PKD1: variants seen among roughly 807,000 people sequenced by gnomAD.
PKD1 encodes the protein polycystin 1, transient receptor potential channel interacting, also known as polycystin-1.
In PKD1, 81 loss-of-function variants were observed where a neutral mutation model predicts 361.7. The observed-to-expected ratio is 0.22, with a 90% CI of 0.19 to 0.27. PKD1 has a LOEUF of 0.27. PKD1 is among the 10% of genes least tolerant of loss of function. The pLI is 1.00. For missense variants in PKD1, 6,399 were observed against 6,118.3 expected, an observed-to-expected ratio of 1.05 and a Z score of -1.53; for synonymous variants, 3,615 against 2,818.3, an observed-to-expected ratio of 1.28 and a Z score of -8.95.
chr16:2,135,472 C>T lies in PKD1; in HGVS notation c.215+3G>A. 1 of 1,170,178 alleles carries T rather than the reference C, an allele frequency of 8.5e-7. No individual in the cohort carries two copies. The highest frequency in any genetic ancestry group is 1.1e-6 in the Non-Finnish European group (1 of 946,230). The allele number at this position is 1,170,178 out of a possible 1,614,324, so 72.5% of individuals were successfully genotyped here. ...CCCGGGTGCCGCTGGGCCCGCTACT[C>T]ACAGCGCTGTGGCGTCCGCGGGGAT... On this transcript the variant is annotated splice_donor_region_variant and intron_variant, in intron 1 of 45. Transcript: ENST00000262304.
chr16:2,109,820 C>A lies in PKD1; in HGVS notation c.5347G>T (p.Ala1783Ser). The A allele has an allele frequency of 6.2e-7, 1 of 1,610,644 alleles. No homozygotes were observed. The highest frequency in any genetic ancestry group is 1.3e-5 in the African/African-American group (1 of 74,996). ...TTGGCTGAGCCCAGCGGGTTCCCTG[C>A]CGTCATGGTGACCAAGTGCAGGCCG... ...TPGLHLVTMTAGNPLGSANAT... is the reference protein window; with the variant it reads ...TPGLHLVTMTSGNPLGSANAT... Residue 1783 changes from alanine to serine, a missense_variant, in exon 15 of 46, where the codon GCA becomes TCA. By Grantham distance (99) the Ala-to-Ser change is moderately conservative. Coordinates refer to ENST00000262304, the MANE Select transcript of PKD1 (RefSeq NM_001009944.3).
In PKD1 at chr16:2,100,605, T is replaced by G; in HGVS notation, c.9398-39A>C. The G allele has an allele frequency of 1.9e-6, 3 of 1,566,342 alleles. No individual in the cohort carries two copies. The highest frequency in any genetic ancestry group is 2.6e-6 in the Non-Finnish European group (3 of 1,144,790). On this transcript the variant is annotated intron_variant, in intron 26 of 45. Transcript: ENST00000262304. The surrounding 1 kb of genome is among the most constrained non-coding windows in gnomAD (Gnocchi z 4.4). The stretch of plus-strand genomic sequence containing the variant: ...GGGAGGGGTGGGAGGCTCGGTCTGC[T>G]GCCCAACACGTGTGGCATCCCAGGC...
At chr16:2,101,593 G>A (rs1230487357) in intron 26 of PKD1, among the ~76,000 whole-genome samples, 1 of 152,230 alleles carries the variant, frequency 6.6e-6, no homozygotes, top group Non-Finnish European at 1.5e-5. Flanking sequence ...ACTCCAGCCT[G>A]GGCAACAGAG....
intron 1 of PKD1, among the ~76,000 whole-genome samples, chr16:2,126,378 G>A (rs1271089603): frequency 6.6e-6 from 1 of 152,270 alleles, no homozygotes; most frequent in African/African-American, 2.4e-5. Flanking sequence ...GCTAAGGTCA[G>A]GAATGCCAGG....
intron 41 of PKD1, 25 bp from the exon 42 acceptor site, chr16:2,091,622 G>A (rs1275950017): frequency 1.9e-6 from 3 of 1,562,220 alleles, no homozygotes; most frequent in Non-Finnish European, 2.6e-6. Context: ...CGGGTCAGTA[G>A]GAGCGGGTGG....
chr16:2,111,925 C>G (rs1423241405), intron 14 of PKD1, 54 bp from the exon 15 acceptor site: 2 of 1,595,206 alleles, frequency 1.3e-6, no homozygotes, highest in South Asian at 2.2e-5. Context: ...TGCTCCCCAC[C>G]CGCTCGGCAG....
Position 2,089,841 on chromosome 16 carries a change from C to T in PKD1, c.12798G>A (p.Leu4266=). 6.2e-7 allele frequency: 1 copy of T among 1,605,496 alleles called. No individual in the cohort carries two copies. Among genetic ancestry groups the T allele is most frequent in the Non-Finnish European group, 8.5e-7 (1 of 1,176,744 alleles). Residue 4266 remains leucine (L), a synonymous_variant, in exon 46 of 46, where the codon CTG becomes CTA. Transcript: ENST00000262304. ...AGSSRGPSPG[L]RPALPSRLAR... ...CAAGGCGGCTGGGCAGTGCTGGCCGCAGGCCCGGGGATGGGCCACGGGAAG... is the reference window on the plus strand; with the variant it reads ...CAAGGCGGCTGGGCAGTGCTGGCCGTAGGCCCGGGGATGGGCCACGGGAAG...
Position 2,135,579 on chromosome 16 carries a change from G to A in PKD1, c.111C>T (p.Cys37=), listed in dbSNP as rs2092941027. Residue 37 remains cysteine, a synonymous_variant, in exon 1 of 46, where the codon TGC becomes TGT. Transcript: ENST00000262304. ...CGGCGCCGGGCGCTGGGCCGCAGAG[G>A]CAGGGGGGCTCGCAGGGCCCGCAGC... is the stretch of plus-strand genomic sequence containing the variant. The part of the protein sequence containing the change: ...GRGCGPCEPP[C]LCGPAPGAAC... 2.8e-6 allele frequency: 3 copies of A among 1,082,224 alleles called. No homozygotes were observed. Among genetic ancestry groups the A allele is most frequent in the Non-Finnish European group, 3.4e-6 (3 of 893,554 alleles). 67.0% of individuals were successfully genotyped at this position (1,082,224 alleles called of 1,614,324 possible). A position where few individuals can be genotyped will look rare whatever the true frequency, so the allele number is the denominator to read the frequency against.
At position 2,091,027 on chromosome 16, in the gene PKD1, C is replaced by G; in HGVS notation, c.11860G>C (p.Ala3954Pro). The change falls in exon 43 of 46, where the codon GCC (alanine) becomes CCC (proline). Residue 3954 changes from alanine to proline, a missense_variant. Transcript: ENST00000262304. Reference protein sequence around the residue: ...LTAATALVRLAQLGAADRQWT... With the variant: ...LTAATALVRLPQLGAADRQWT... ...TGGCGGTCAGCGGCACCCAGCTGGG[C>G]GAGGCGTACCAGTGCCGTGGCCGCC... 6.5e-7 allele frequency: 1 copy of G among 1,531,810 alleles called. No individual in the cohort carries two copies. 94.9% of individuals were successfully genotyped at this position (1,531,810 alleles called of 1,614,324 possible).
Position 2,118,232 on chromosome 16 carries a change from G to A in PKD1, c.760C>T (p.Pro254Ser). ...GGGCCCCTACAGGTGGGGGCAGGAG[G>A]TGGCGGGGGGCCGGAGCAGAGGGAC... ...CLSLCSGPPP[P>S]PAPTCRGPTL... Residue 254 changes from proline to serine, a missense_variant, in exon 5 of 46, where the codon CCT becomes TCT. Coordinates refer to ENST00000262304, the MANE Select transcript of PKD1 (RefSeq NM_001009944.3). The surrounding 1 kb of genome is among the most constrained non-coding windows in gnomAD (Gnocchi z 6.0). 1 of 1,531,346 alleles carries A rather than the reference G, an allele frequency of 6.5e-7. No individual in the cohort carries two copies. The highest frequency in any genetic ancestry group is 2.3e-4 in the Middle Eastern group (1 of 4,348). 94.9% of individuals were successfully genotyped at this position (1,531,346 alleles called of 1,614,324 possible). A position where few individuals can be genotyped will look rare whatever the true frequency, so the allele number is the denominator to read the frequency against.
chr16:2,093,843 G>A lies in PKD1; in HGVS notation c.10789C>T (p.Leu3597=). The change falls in exon 36 of 46, where the codon CTG becomes TTG. Residue 3597 remains leucine, a synonymous_variant. Transcript: ENST00000262304. ...AWLLSSSASF[L]ASFLGWEPLK... Reference sequence around the variant, plus strand: ...GGCTCCCAGCCGAGGAATGAGGCCAGGAAGCTGGCGCTGCTGGACAGGAGC... The same window carrying A: ...GGCTCCCAGCCGAGGAATGAGGCCAAGAAGCTGGCGCTGCTGGACAGGAGC... 1.9e-6 allele frequency: 3 copies of A among 1,563,952 alleles called. No individual in the cohort carries two copies. The highest frequency in any genetic ancestry group is 2.6e-6 in the Non-Finnish European group (3 of 1,160,382).
chr16:2,116,274 G>A (rs3895631), intron 8 of PKD1, 156 bp from the exon 9 acceptor site: 137 of 802,904 alleles, frequency 1.7e-4, no homozygotes, highest in African/African-American at 8.8e-4. Context: ...GAAGACTCCG[G>A]TGGAAACTGT....
In PKD1 at chr16:2,116,293, G is replaced by A. The variant is rs945787605; in HGVS notation, c.1723-175C>T. ...ACTCCGGTGGAAACTGTCCATGGGG[G>A]GCAGGACCCCTGACCTGCCTTTCAG... On this transcript the variant is annotated intron_variant, in intron 8 of 45. Transcript: ENST00000262304. 2.6e-5 allele frequency: 19 copies of A among 732,660 alleles called. No individual in the cohort carries two copies. The Admixed American group carries it at 2.9e-4, about 11-fold the overall frequency. The allele number at this position is 732,660 out of a possible 1,614,324, so 45.4% of individuals were successfully genotyped here. A position where few individuals can be genotyped will look rare whatever the true frequency, so the allele number is the denominator to read the frequency against.
In PKD1 at chr16:2,103,821, G is replaced by A. The variant is rs201050321; in HGVS notation, c.8236C>T (p.Arg2746Trp). Residue 2746 changes from arginine (R) to tryptophan (W), a missense_variant, in exon 23 of 46, where the codon CGG (arginine) becomes TGG (tryptophan). By Grantham distance (101) the Arg-to-Trp change is moderately radical (BLOSUM62 -3). Coordinates refer to ENST00000262304, the MANE Select transcript of PKD1 (RefSeq NM_001009944.3). ...PSELGAESPS[R>W]MVASQAYNLT... ...TTGTAGGCCTGGGACGCCACCATCC[G>A]AGATGGTGACTCGGCTCCCAGCTCT... The A allele has an allele frequency of 1.7e-5, 28 of 1,608,262 alleles. No individual in the cohort carries two copies. The highest frequency in any genetic ancestry group is 4.4e-5 in the South Asian group (4 of 90,852).
rs746182541 is a variant in PKD1 at position 2,103,787 on chromosome 16, G to C, written c.8270C>G (p.Ser2757Cys). ...MVASQAYNLT[S>C]ALMRILMRSR... ...GCGCATGAGGATGCGCATGAGGGCA[G>C]AGGTCAGGTTGTAGGCCTGGGACGC... is the stretch of plus-strand genomic sequence containing the variant. The change falls in exon 23 of 46, where the codon TCT (serine) becomes TGT (cysteine). Residue 2757 changes from serine (S) to cysteine (C), a missense_variant. Physicochemically the swap from Ser to Cys is moderately radical, Grantham distance 112. Transcript: ENST00000262304. 1 of 1,609,818 alleles carries C rather than the reference G, an allele frequency of 6.2e-7. No homozygotes were observed. Among genetic ancestry groups the C allele is most frequent in the Non-Finnish European group, 8.5e-7 (1 of 1,179,626 alleles).
chr16:2,091,173 A>C lies in PKD1; in HGVS notation c.11714T>G (p.Val3905Gly). Residue 3905 changes from valine to glycine, a missense_variant and splice_region_variant, in exon 43 of 46, where the codon GTG becomes GGG. Coordinates refer to ENST00000262304, the MANE Select transcript of PKD1 (RefSeq NM_001009944.3). ...AGLSLPLLTS[V>G]CLLLFAVHFA... is the part of the protein sequence containing the mutation. ...GTGCACGGCGAACAGCAGCAGGCACACCTGTGGGGGGCGCGGTCAGGAGGG... is the reference window on the plus strand; with the variant it reads ...GTGCACGGCGAACAGCAGCAGGCACCCCTGTGGGGGGCGCGGTCAGGAGGG... 1 of 1,417,952 alleles carries C rather than the reference A, an allele frequency of 7.1e-7. No individual in the cohort carries two copies. The highest frequency in any genetic ancestry group is 9.1e-7 in the Non-Finnish European group (1 of 1,094,196). 87.8% of individuals were successfully genotyped at this position (1,417,952 alleles called of 1,614,324 possible).
rs763125659 is a variant in PKD1, at chr16:2,093,996, G to A, written c.10636C>T (p.Arg3546Trp). 1.8e-5 allele frequency: 29 copies of A among 1,587,802 alleles called. No homozygotes were observed. Among genetic ancestry groups the A allele is most frequent in the Middle Eastern group, 1.7e-4 (1 of 6,054 alleles). Residue 3546 changes from arginine to tryptophan, a missense_variant, in exon 36 of 46, where the codon CGG becomes TGG. Arg to Trp is a moderately radical substitution (Grantham distance 101). Transcript: ENST00000262304. ...LSRTGLVEGL[R>W]KRLLPAWCAS... ...CACCAGGCCGGCAGCAGGCGCTTCC[G>A]CAGACCCTCCACCAGTCCTGGGGAA... is the stretch of plus-strand genomic sequence containing the variant.
rs1436492447 is a variant in PKD1 at position 2,116,988 on chromosome 16, C to T, written c.1451G>A (p.Gly484Asp). ...QGVEVGPAPQ[G>D]EAFSLESCQN... ...GCAGCTCTCCAGGCTGAAGGCCTCG[C>T]CCTGCGGCGCTGGGCCCACCTCCAC... The change falls in exon 7 of 46, where the codon GGC becomes GAC. Residue 484 changes from glycine (G) to aspartate (D), a missense_variant. Coordinates refer to ENST00000262304, the MANE Select transcript of PKD1 (RefSeq NM_001009944.3). 7 of 1,572,984 alleles carry T rather than the reference C, an allele frequency of 4.5e-6. No individual in the cohort carries two copies. Among genetic ancestry groups the T allele is most frequent in the Non-Finnish European group, 6.0e-6 (7 of 1,161,988 alleles).
rs760985603 is a variant in PKD1, at chr16:2,110,708, A to G, written c.4459T>C (p.Phe1487Leu). 2 of 1,610,516 alleles carry G rather than the reference A, an allele frequency of 1.2e-6. No individual in the cohort carries two copies. Among genetic ancestry groups the G allele is most frequent in the East Asian group, 2.2e-5 (1 of 44,882 alleles). The change falls in exon 15 of 46, where the codon TTC becomes CTC. Residue 1487 changes from phenylalanine to leucine, a missense_variant. By Grantham distance (22) the Phe-to-Leu change is conservative. Coordinates refer to ENST00000262304, the MANE Select transcript of PKD1 (RefSeq NM_001009944.3). ...GGGCGCCCACGGCCCACAGCAGAGA[A>G]CAGGTACGGCTGCTGCAGCTCCAGC... is the stretch of plus-strand genomic sequence containing the variant. The part of the protein sequence containing the change: ...LGLELQQPYL[F>L]SAVGRGRPAS...
Sources: allele counts gnomAD v4.1 joint callset (sites outside exome capture counted in the v4.1 genomes callset), GRCh38; gene constraint gnomAD v4.1.1; non-coding constraint Gnocchi (gnomAD v3.1); transcripts MANE v1.5; gene names NCBI Gene and HGNC (gene_info 2026-07-23, HGNC 2026-07-21).